SSX2IP: variants seen among roughly 807,000 people sequenced by gnomAD.
SSX2IP encodes the protein afadin- and alpha-actinin-binding protein.
SSX2IP carries 55 observed loss-of-function variants against 84.9 expected under a neutral mutation model. The ratio of observed to expected loss-of-function variants is 0.65; its 90% CI spans 0.52 to 0.81. The LOEUF (loss-of-function observed/expected upper bound fraction) is 0.81, where lower values mean the gene tolerates loss of function less well. Among genes scored for constraint, SSX2IP ranks in the 30% least tolerant of loss-of-function variants. The pLI is 0.00. For missense variants in SSX2IP, 664 were observed against 705.2 expected (o/e 0.94, Z 0.66); for synonymous variants, 239 against 234.7 (o/e 1.02, Z -0.17).
At chr1:84,656,757 A>C (rs1459493009) in intron 9 of SSX2IP, among the ~76,000 whole-genome samples, 1 of 152,204 alleles carries the variant, frequency 6.6e-6, no homozygotes, top group Non-Finnish European at 1.5e-5. Context: ...TTTTAAGACT[A>C]AATGATATGC....
At chr1:84,665,283 C>A (rs574263794) in intron 5 of SSX2IP, among the ~76,000 whole-genome samples, 7 of 152,204 alleles carry the variant, frequency 4.6e-5, no homozygotes, top group African/African-American at 1.7e-4. Flanking sequence ...CAAGGAAACA[C>A]GTACAAGCAA....
intron 8 of SSX2IP, among the ~76,000 whole-genome samples, chr1:84,660,386 AG>A (rs1651769077): frequency 2.0e-5 from 3 of 152,248 alleles, no homozygotes; most frequent in African/African-American, 7.2e-5. Flanking sequence ...TGAGACGTTA[AG>A]GTTGGACCAA....
At chr1:84,666,294 T>A (rs1652767810) in intron 4 of SSX2IP, 62 bp from the exon 5 acceptor site, 1 of 1,272,948 alleles carries the variant, frequency 7.9e-7, no homozygotes, top group Non-Finnish European at 1.1e-6. Context: ...ACTGAATCCT[T>A]AAAATATCAG....
chr1:84,685,501 A>G (rs1330643893), intron 1 of SSX2IP, among the ~76,000 whole-genome samples: 2 of 152,246 alleles, frequency 1.3e-5, no homozygotes, highest in Non-Finnish European at 2.9e-5. Flanking sequence ...TAGCCCTAGG[A>G]AGGAGTAAAG....
At chr1:84,659,509 T>G (rs962823569) in intron 8 of SSX2IP, among the ~76,000 whole-genome samples, 116 of 151,992 alleles carry the variant, frequency 7.6e-4, no homozygotes, top group African/African-American at 2.7e-3. Flanking sequence ...GTTAGAAAAA[T>G]TATTGGCCGG....
chr1:84,690,300 G>T (rs1453477379), intron 1 of SSX2IP, 71 bp downstream of exon 1: 1 of 149,420 alleles, frequency 6.7e-6, no homozygotes, highest in African/African-American at 2.5e-5. Flanking sequence ...GCCCCTTGCC[G>T]GCGCCCACCC....
intron 11 of SSX2IP, among the ~76,000 whole-genome samples, chr1:84,654,853 CA>C (rs1650844291): frequency 1.3e-5 from 2 of 152,004 alleles, no homozygotes; most frequent in South Asian, 4.1e-4. Flanking sequence ...AATGTGATAA[CA>C]ATGAAAAATA....
chr1:84,676,399 C>T lies in SSX2IP; in HGVS notation c.-89-5091G>A, dbSNP rs149038824. ...AATCTTATAATACTTTTAGTAAAAG[C>T]TTTACCTTACTACTTTTGAAGTAGT... On this transcript the variant is annotated intron_variant, in intron 1 of 13. Coordinates refer to ENST00000342203, the MANE Select transcript of SSX2IP (RefSeq NM_001166293.2). Among the ~76,000 whole-genome samples the T allele has an allele frequency of 5.2e-4, 79 of 152,208 alleles. No homozygotes were observed. In the East Asian group the frequency reaches 0.014, roughly 28 times the overall value.
At chr1:84,680,494 T>C (rs902552922) in intron 1 of SSX2IP, 13 of 151,646 alleles carry the variant, frequency 8.6e-5, no homozygotes, top group African/African-American at 3.2e-4. Context: ...CTTATGCATG[T>C]AGAGGGCTTA....
At position 84,662,329 on chromosome 1, in the gene SSX2IP, G is replaced by A. The variant is rs181476571; in HGVS notation, c.796C>T (p.Arg266Cys). ...TTTTCCATTAGGATTTGTTTCTGAC[G>A]ATATTCATAATCATTCAAGAGAATT... is the stretch of plus-strand genomic sequence containing the variant. Reference protein sequence around the residue: ...YKILLNDYEYRQKQILMENAE... With the variant: ...YKILLNDYEYCQKQILMENAE... The change falls in exon 8 of 14, where the codon CGT becomes TGT. Residue 266 changes from arginine to cysteine, a missense_variant. Transcript: ENST00000342203. 44 of 1,608,216 alleles carry A rather than the reference G, an allele frequency of 2.7e-5. No individual in the cohort carries two copies. Among genetic ancestry groups the A allele is most frequent in the Non-Finnish European group, 3.4e-5 (40 of 1,177,590 alleles).
At chr1:84,660,343 T>C (rs1385652235) in intron 8 of SSX2IP, among the ~76,000 whole-genome samples, 3 of 152,196 alleles carry the variant, frequency 2.0e-5, no homozygotes, top group Non-Finnish European at 4.4e-5. Flanking sequence ...CTCCCTGACT[T>C]ACCACATACT....
At chr1:84,655,461 T>G in intron 11 of SSX2IP, 1 of 1,296,554 alleles carries the variant, frequency 7.7e-7, no homozygotes, top group South Asian at 1.2e-5. Flanking sequence ...TTTATTATAC[T>G]TCCTTTTTAA....
chr1:84,689,887 G>A (rs937248158), intron 1 of SSX2IP, among the ~76,000 whole-genome samples: 1 of 152,132 alleles, frequency 6.6e-6, no homozygotes, highest in Non-Finnish European at 1.5e-5. Context: ...CCACTGCAGC[G>A]GCCACCCAAT....
At chr1:84,664,303 T>C (rs1652465375) in intron 6 of SSX2IP, 114 bp downstream of exon 6, 1 of 1,119,076 alleles carries the variant, frequency 8.9e-7, no homozygotes, top group African/African-American at 1.6e-5. Flanking sequence ...AAATCAATTG[T>C]ATAAAGCATG....
At chr1:84,654,209 C>T (rs1650741878) in intron 11 of SSX2IP, among the ~76,000 whole-genome samples, 1 of 152,086 alleles carries the variant, frequency 6.6e-6, no homozygotes, top group Non-Finnish European at 1.5e-5. Context: ...ATGAAAGGAA[C>T]TCTCTAGAAG....
intron 1 of SSX2IP, among the ~76,000 whole-genome samples, chr1:84,686,300 A>C (rs903782503): frequency 6.6e-6 from 1 of 152,244 alleles, no homozygotes; most frequent in African/African-American, 2.4e-5. Context: ...TGGCTGACTT[A>C]GTCAGTGACT....
intron 1 of SSX2IP, among the ~76,000 whole-genome samples, chr1:84,679,489 C>T (rs192432778): frequency 3.5e-4 from 54 of 152,254 alleles, no homozygotes; most frequent in Non-Finnish European, 6.5e-4. Flanking sequence ...AATAATGTGC[C>T]TTCCTGATGT....
At chr1:84,664,190 C>G (rs140903318) in intron 6 of SSX2IP, among the ~76,000 whole-genome samples, 1 of 152,132 alleles carries the variant, frequency 6.6e-6, no homozygotes, top group South Asian at 2.1e-4. Flanking sequence ...TAATTCTACA[C>G]TGGTCATGTT....
chr1:84,657,564 A>G (rs758618737), intron 9 of SSX2IP, among the ~76,000 whole-genome samples: 4 of 129,326 alleles, frequency 3.1e-5, no homozygotes, highest in Non-Finnish European at 6.5e-5. Context: ...GAGAGTCAGT[A>G]AAAGAGACTC....
Sources: gnomAD v4.1 joint callset for allele counts (sites outside exome capture counted in the v4.1 genomes callset) on GRCh38, gnomAD v4.1.1 for gene constraint, MANE v1.5 for transcripts, NCBI Gene and HGNC (gene_info 2026-07-23, HGNC 2026-07-21) for gene names.